The following GTF2E1 variants were observed in gnomAD, a reference collection of about 807,000 sequenced individuals.
GTF2E1 encodes TFIIE alpha subunit.
GTF2E1 carries 14 observed loss-of-function variants against 34.9 expected under a neutral mutation model. The ratio of observed to expected loss-of-function variants is 0.40; its 90% CI spans 0.27 to 0.63. The LOEUF is 0.63. Among genes scored for constraint, GTF2E1 ranks in the 20% least tolerant of loss-of-function variants. The pLI is 0.39. For synonymous variants in GTF2E1, 188 were observed against 192.9 expected (o/e 0.97, Z 0.21); for missense variants, 469 against 557.7 (o/e 0.84, Z 1.60).
chr3:120,781,429 A>G lies in GTF2E1; in HGVS notation c.1279A>G (p.Ile427Val), dbSNP rs752168645. 3.1e-6 allele frequency: 5 copies of G among 1,613,996 alleles called. No individual in the cohort carries two copies. The African/African-American group carries it at 6.7e-5, about 22-fold the overall frequency. The change falls in exon 5 of 5, where the codon ATA becomes GTA. Residue 427 changes from isoleucine (I) to valine (V), a missense_variant. Ile to Val is a conservative substitution (Grantham distance 29, BLOSUM62 3). Transcript: ENST00000283875. Reference sequence around the variant, plus strand: ...GACACCAGAAGAAAAGGAAGCATATATAGCAATGGGACAACGCATGTTTGA... The same window carrying G: ...GACACCAGAAGAAAAGGAAGCATATGTAGCAATGGGACAACGCATGTTTGA... ...QMTPEEKEAY[I>V]AMGQRMFEDL...
intron 3 of GTF2E1, among the ~76,000 whole-genome samples, chr3:120,775,442 C>A (rs11706997): frequency 0.48 from 73,076 of 151,858 alleles, 18,915 homozygotes; most frequent in Non-Finnish European, 0.59. Context: ...CTGGACAGAG[C>A]GGGAGGTGGA....
rs113535152 is a variant in GTF2E1 at position 120,767,396 on chromosome 3, A to G, written c.449-3332A>G. Among the ~76,000 whole-genome samples the G allele has an allele frequency of 5.7e-3, 863 of 152,330 alleles. 12 individuals carry two copies. The highest frequency in any genetic ancestry group is 0.02 in the African/African-American group (831 of 41,578). ...GCATGTTTACATAGAGTTTATAGTA[A>G]GTAAGGATAATGCCACCCTCCAGTG... On this transcript the variant is annotated intron_variant, in intron 2 of 4. Transcript: ENST00000283875.
rs71133517 is a variant in GTF2E1, at chr3:120,781,715, C to CT, written c.*261dup. On this transcript the variant is annotated 3_prime_UTR_variant, in exon 5 of 5. Coordinates refer to ENST00000283875, the MANE Select transcript of GTF2E1 (RefSeq NM_005513.3). ...TTAATATTTTACTGTATTTTCTTTT[C>CT]TTTTTTTTTTTTTTTTGGAGATGAA... is the stretch of plus-strand genomic sequence containing the variant. 42,290 of 224,178 alleles carry CT rather than the reference C, an allele frequency of 0.19. 4,107 individuals are homozygous for CT. The highest frequency in any genetic ancestry group is 0.37 in the African/African-American group (13,658 of 37,020). 13.9% of individuals were successfully genotyped at this position (224,178 alleles called of 1,614,324 possible). A position where few individuals can be genotyped will look rare whatever the true frequency, so the allele number is the denominator to read the frequency against.
chr3:120,747,966 A>G (rs928158434), intron 1 of GTF2E1, among the ~76,000 whole-genome samples: 1 of 151,842 alleles, frequency 6.6e-6, no homozygotes, highest in Non-Finnish European at 1.5e-5. Flanking sequence ...ATGGTATCTC[A>G]TTGTGGTTTT....
In GTF2E1 at chr3:120,781,345, G is replaced by T. The variant is rs771909223; in HGVS notation, c.1195G>T (p.Ala399Ser). The T allele has an allele frequency of 3.1e-5, 50 of 1,614,034 alleles. No homozygotes were observed. The highest frequency in any genetic ancestry group is 4.0e-5 in the Non-Finnish European group (47 of 1,179,990). Residue 399 changes from alanine (A) to serine (S), a missense_variant, in exon 5 of 5, where the codon GCT becomes TCT. By Grantham distance (99) the Ala-to-Ser change is moderately conservative. Transcript: ENST00000283875. ...AGCAGATGACCCCATTGTCATGGTG[G>T]CTGGCCGTCCGTTCTCCTACAGTGA... ...EVADDPIVMV[A>S]GRPFSYSEVS...
At chr3:120,762,853 A>T (rs568126177) in intron 2 of GTF2E1, among the ~76,000 whole-genome samples, 15 of 152,296 alleles carry the variant, frequency 9.8e-5, no homozygotes, top group Non-Finnish European at 2.1e-4. Context: ...CTCTAGTTTT[A>T]TACTTACTCT....
At chr3:120,752,044 A>C (rs1053813459) in intron 2 of GTF2E1, among the ~76,000 whole-genome samples, 1 of 152,208 alleles carries the variant, frequency 6.6e-6, no homozygotes, top group Non-Finnish European at 1.5e-5. Flanking sequence ...AAATAACCCC[A>C]ATATAAATTA....
intron 3 of GTF2E1, among the ~76,000 whole-genome samples, chr3:120,774,583 CAG>C (rs909508333): frequency 1.6e-4 from 23 of 147,924 alleles, no homozygotes; most frequent in African/African-American, 5.8e-4. Flanking sequence ...AAAGAAATAG[CAG>C]AGAGAAACCA....
At chr3:120,754,812 T>C (rs1169433661) in intron 2 of GTF2E1, among the ~76,000 whole-genome samples, 2 of 152,104 alleles carry the variant, frequency 1.3e-5, no homozygotes, top group African/African-American at 4.8e-5. Context: ...AAGAATCTTA[T>C]AAATGTATAT....
intron 2 of GTF2E1, among the ~76,000 whole-genome samples, chr3:120,761,373 C>T (rs1001154532): frequency 6.6e-6 from 1 of 152,068 alleles, no homozygotes; most frequent in African/African-American, 2.4e-5. Flanking sequence ...AGAACCAGCT[C>T]CTGGATTCAT....
At position 120,750,480 on chromosome 3, in the gene GTF2E1, T is replaced by C. The variant is rs75878265; in HGVS notation, c.-30-43T>C. The C allele has an allele frequency of 1.1e-3, 1,295 of 1,185,996 alleles. 18 individuals carry two copies. The African/African-American group carries it at 0.018, about 16-fold the overall frequency. 73.5% of individuals were successfully genotyped at this position (1,185,996 alleles called of 1,614,324 possible). A position where few individuals can be genotyped will look rare whatever the true frequency, so the allele number is the denominator to read the frequency against. ...GCAAGGATAGTGGATATGATTACCATGTTCTTATACCTGGCTAATTTTCTG... is the reference window on the plus strand; with the variant it reads ...GCAAGGATAGTGGATATGATTACCACGTTCTTATACCTGGCTAATTTTCTG... On this transcript the variant is annotated intron_variant, in intron 1 of 4. Coordinates refer to ENST00000283875, the MANE Select transcript of GTF2E1 (RefSeq NM_005513.3).
At chr3:120,768,969 A>AGT (rs1159892174) in intron 2 of GTF2E1, among the ~76,000 whole-genome samples, 16 of 152,128 alleles carry the variant, frequency 1.1e-4, no homozygotes, top group African/African-American at 3.9e-4. Flanking sequence ...TTTCTCAAGG[A>AGT]TTCCTCATTC....
intron 3 of GTF2E1, among the ~76,000 whole-genome samples, chr3:120,773,981 T>C (rs929792589): frequency 2.0e-5 from 3 of 152,304 alleles, no homozygotes; most frequent in African/African-American, 7.2e-5. Flanking sequence ...AAAGTACTCC[T>C]CATACCTTCA....
At chr3:120,768,078 CA>C (rs1709323541) in intron 2 of GTF2E1, among the ~76,000 whole-genome samples, 1 of 151,954 alleles carries the variant, frequency 6.6e-6, no homozygotes, top group African/African-American at 2.4e-5. Flanking sequence ...TTTGGGAGGA[CA>C]TTTTTTTAAA....
intron 1 of GTF2E1, among the ~76,000 whole-genome samples, chr3:120,744,458 A>G (rs1367403079): frequency 6.6e-6 from 1 of 152,234 alleles, no homozygotes; most frequent in African/African-American, 2.4e-5. Context: ...TCAGAGGAAT[A>G]TCCTATGGTA....
At position 120,750,801 on chromosome 3, in the gene GTF2E1, C is replaced by A; in HGVS notation, c.249C>A (p.Asp83Glu). Residue 83 changes from aspartate to glutamate, a missense_variant, in exon 2 of 5, where the codon GAC becomes GAA. Coordinates refer to ENST00000283875, the MANE Select transcript of GTF2E1 (RefSeq NM_005513.3). ...KCRMRVETAA[D>E]GKTTRHNYYF... ...GAATGAGGGTAGAGACTGCTGCAGA[C>A]GGGAAAACCACTCGCCATAACTACT... 2 of 1,613,926 alleles carry A rather than the reference C, an allele frequency of 1.2e-6. No homozygotes were observed. The highest frequency in any genetic ancestry group is 1.7e-6 in the Non-Finnish European group (2 of 1,179,878).
At chr3:120,765,113 C>T (rs1272694893) in intron 2 of GTF2E1, among the ~76,000 whole-genome samples, 4 of 144,838 alleles carry the variant, frequency 2.8e-5, no homozygotes, top group Non-Finnish European at 6.1e-5. Flanking sequence ...GAACTCTTTC[C>T]CTTTCCCCTC....
Position 120,750,934 on chromosome 3 carries a change from A to G in GTF2E1, c.382A>G (p.Lys128Glu). 3 of 1,614,014 alleles carry G rather than the reference A, an allele frequency of 1.9e-6. No individual in the cohort carries two copies. The highest frequency in any genetic ancestry group is 2.5e-6 in the Non-Finnish European group (3 of 1,179,884). The change falls in exon 2 of 5, where the codon AAA becomes GAA. Residue 128 changes from lysine (K) to glutamate (E), a missense_variant. Coordinates refer to ENST00000283875, the MANE Select transcript of GTF2E1 (RefSeq NM_005513.3). ...ERDSTNRASF[K>E]CPVCSSTFTD... ...AGATTCGACCAACCGGGCTTCCTTCAAATGTCCTGTCTGTAGTAGTACTTT... is the reference window on the plus strand; with the variant it reads ...AGATTCGACCAACCGGGCTTCCTTCGAATGTCCTGTCTGTAGTAGTACTTT...
chr3:120,752,152 C>G (rs1709169472), intron 2 of GTF2E1, among the ~76,000 whole-genome samples: 1 of 152,160 alleles, frequency 6.6e-6, no homozygotes, highest in Non-Finnish European at 1.5e-5. Context: ...AAGGAATTCA[C>G]AATTGTATTA....
Sources: allele counts gnomAD v4.1 joint callset (sites outside exome capture counted in the v4.1 genomes callset), GRCh38; gene constraint gnomAD v4.1.1; transcripts MANE v1.5; gene names NCBI Gene and HGNC (gene_info 2026-07-23, HGNC 2026-07-21).